The following DHDH variants were observed in gnomAD, a reference collection of about 807,000 sequenced individuals.
DHDH encodes dihydrodiol dehydrogenase, also known as trans-1,2-dihydrobenzene-1,2-diol dehydrogenase.
A neutral mutation model predicts 33.2 loss-of-function variants in DHDH; 29 were observed. That is an observed-to-expected ratio of 0.87 (90% CI 0.65 to 1.19). The LOEUF is 1.19. DHDH is among the 50% of genes most tolerant of loss of function. The pLI is 0.00. For synonymous variants in DHDH, 201 were observed against 187.9 expected, an observed-to-expected ratio of 1.07 and a Z score of -0.57; for missense variants, 431 against 455.0, an observed-to-expected ratio of 0.95 and a Z score of 0.48.
chr19:48,943,740 T>G (rs867063282), intron 5 of DHDH, among the ~76,000 whole-genome samples: 49 of 151,290 alleles, frequency 3.2e-4, no homozygotes, highest in Admixed American at 1.3e-3. Context: ...GCAGGAGAAT[T>G]GCCTGAACCC....
intron 5 of DHDH, among the ~76,000 whole-genome samples, 160 bp downstream of exon 5, chr19:48,942,724 C>T (rs1023544991): frequency 1.3e-5 from 2 of 152,130 alleles, no homozygotes; most frequent in South Asian, 2.1e-4. Context: ...GGCCTCTAGG[C>T]TCTCCTTACT....
At position 48,944,836 on chromosome 19, in the gene DHDH, G is replaced by A; in HGVS notation, c.908G>A (p.Ser303Asn). The change falls in exon 7 of 7, where the codon AGT becomes AAT. Residue 303 changes from serine (S) to asparagine (N), a missense_variant. Ser to Asn is a conservative substitution (Grantham distance 46, BLOSUM62 1). Transcript: ENST00000221403. ...ACTCTCCCCACAGGTATGAAGGAAA[G>A]TCCTGTGATTCCCCTGTCGGAAAGT... ...WECLRKGMKE[S>N]PVIPLSESEL... The A allele has an allele frequency of 6.2e-7, 1 of 1,613,540 alleles. No individual in the cohort carries two copies. The highest frequency in any genetic ancestry group is 8.5e-7 in the Non-Finnish European group (1 of 1,179,996).
chr19:48,941,978 TG>T (rs967512746), intron 4 of DHDH, among the ~76,000 whole-genome samples: 14 of 142,666 alleles, frequency 9.8e-5, no homozygotes, highest in African/African-American at 3.4e-4. Context: ...CAGCCAAGAC[TG>T]TACTTCGTGT....
chr19:48,944,839 C>T lies in DHDH; in HGVS notation c.911C>T (p.Pro304Leu), dbSNP rs2037919130. 1 of 1,613,550 alleles carries T rather than the reference C, an allele frequency of 6.2e-7. No individual in the cohort carries two copies. The highest frequency in any genetic ancestry group is 8.5e-7 in the Non-Finnish European group (1 of 1,180,034). ...CTCCCCACAGGTATGAAGGAAAGTC[C>T]TGTGATTCCCCTGTCGGAAAGTGAG... Reference protein sequence around the residue: ...ECLRKGMKESPVIPLSESELL... With the variant: ...ECLRKGMKESLVIPLSESELL... The change falls in exon 7 of 7, where the codon CCT becomes CTT. Residue 304 changes from proline to leucine, a missense_variant. By Grantham distance (98) the Pro-to-Leu change is moderately conservative. Transcript: ENST00000221403.
chr19:48,933,579 G>C (rs893378590), upstream of DHDH: 6 of 719,058 alleles, frequency 8.3e-6, no homozygotes, highest in African/African-American at 1.1e-4. Flanking sequence ...CTAAATGACC[G>C]CTCTGCCGAC....
At chr19:48,934,709 A>G (rs1264035368) in intron 1 of DHDH, among the ~76,000 whole-genome samples, 4 of 142,918 alleles carry the variant, frequency 2.8e-5, no homozygotes, top group Admixed American at 6.8e-5. Context: ...TTCTACATAG[A>G]CACAGTAACA....
At position 48,942,454 on chromosome 19, in the gene DHDH, G is replaced by A. The variant is rs752529663; in HGVS notation, c.634G>A (p.Val212Ile). 36 of 1,609,670 alleles carry A rather than the reference G, an allele frequency of 2.2e-5. 2 individuals carry two copies. In the South Asian group the frequency reaches 3.9e-4, roughly 17 times the overall value. Reference sequence around the variant, plus strand: ...CTTCCCTCCAGGTGTGGATGACACTGTCACGGTGCTCCTGCAGTACCCAGG... The same window carrying A: ...CTTCCCTCCAGGTGTGGATGACACTATCACGGTGCTCCTGCAGTACCCAGG... ...RRHETGVDDTVTVLLQYPGEV... is the reference protein window; with the variant it reads ...RRHETGVDDTITVLLQYPGEV... The change falls in exon 5 of 7, where the codon GTC becomes ATC. Residue 212 changes from valine (V) to isoleucine (I), a missense_variant. By Grantham distance (29) the Val-to-Ile change is conservative (BLOSUM62 3). Coordinates refer to ENST00000221403, the MANE Select transcript of DHDH (RefSeq NM_014475.4).
intron 4 of DHDH, among the ~76,000 whole-genome samples, chr19:48,940,244 A>G (rs1014611375): frequency 4.6e-5 from 7 of 151,884 alleles, no homozygotes; most frequent in African/African-American, 1.5e-4. Flanking sequence ...AATCCCAGCT[A>G]TCTGGGAGGC....
rs1483121080 is a variant in DHDH at position 48,944,836 on chromosome 19, G to C, written c.908G>C (p.Ser303Thr). The C allele has an allele frequency of 6.2e-7, 1 of 1,613,422 alleles. No individual in the cohort carries two copies. Among genetic ancestry groups the C allele is most frequent in the African/African-American group, 1.3e-5 (1 of 74,910 alleles). Residue 303 changes from serine (S) to threonine (T), a missense_variant, in exon 7 of 7, where the codon AGT (serine) becomes ACT (threonine). Ser to Thr is a moderately conservative substitution (Grantham distance 58). Transcript: ENST00000221403. ...ACTCTCCCCACAGGTATGAAGGAAAGTCCTGTGATTCCCCTGTCGGAAAGT... is the reference window on the plus strand; with the variant it reads ...ACTCTCCCCACAGGTATGAAGGAAACTCCTGTGATTCCCCTGTCGGAAAGT... ...WECLRKGMKE[S>T]PVIPLSESEL...
At chr19:48,940,066 C>T (rs755651610) in intron 4 of DHDH, among the ~76,000 whole-genome samples, 5 of 151,908 alleles carry the variant, frequency 3.3e-5, no homozygotes, top group Non-Finnish European at 7.4e-5. Flanking sequence ...AAAAGACTAC[C>T]CCACTTGGCC....
chr19:48,937,811 T>TAAAAA (rs539240060), intron 3 of DHDH, among the ~76,000 whole-genome samples: 3 of 127,210 alleles, frequency 2.4e-5, no homozygotes, highest in Non-Finnish European at 5.1e-5. Context: ...AGACTGTCTT[T>TAAAAA]AAAAAAAAAA....
Position 48,944,464 on chromosome 19 carries a change from C to T in DHDH, c.852C>T (p.Gly284=). Residue 284 remains glycine (G), a synonymous_variant, in exon 6 of 7, where the codon GGC becomes GGT. Coordinates refer to ENST00000221403, the MANE Select transcript of DHDH (RefSeq NM_014475.4). ...PKDCNFDNGA[G]MSYEAKHVWE... Reference sequence around the variant, plus strand: ...ACTGCAATTTTGACAACGGGGCAGGCATGAGTTATGAGGCCAAGCACGTCT... The same window carrying T: ...ACTGCAATTTTGACAACGGGGCAGGTATGAGTTATGAGGCCAAGCACGTCT... The T allele has an allele frequency of 1.2e-6, 2 of 1,613,198 alleles. No homozygotes were observed. The highest frequency in any genetic ancestry group is 1.3e-5 in the African/African-American group (1 of 75,060).
At chr19:48,941,706 A>C (rs2037863887) in intron 4 of DHDH, among the ~76,000 whole-genome samples, 1 of 138,020 alleles carries the variant, frequency 7.2e-6, no homozygotes, top group Non-Finnish European at 1.5e-5. Context: ...ACGGGGTCTC[A>C]CTCTGTCACT....
chr19:48,937,860 C>T (rs918895825), intron 3 of DHDH, among the ~76,000 whole-genome samples: 19 of 151,342 alleles, frequency 1.3e-4, no homozygotes, highest in African/African-American at 3.4e-4. Flanking sequence ...AGCCTTGGGA[C>T]CTTTGCCCAT....
At chr19:48,934,930 C>CT in intron 1 of DHDH, 70 bp from the exon 2 acceptor site, 1 of 1,298,472 alleles carries the variant, frequency 7.7e-7, no homozygotes, top group Non-Finnish European at 1.0e-6. Context: ...GAGCCTCCTC[C>CT]TTTGCCTCCC....
In DHDH at chr19:48,942,498, C is replaced by T. The variant is rs2037878639; in HGVS notation, c.678C>T (p.Phe226=). Residue 226 remains phenylalanine, a synonymous_variant, in exon 5 of 7, where the codon TTC becomes TTT. Transcript: ENST00000221403. The part of the protein sequence containing the change: ...LQYPGEVHGS[F]TCSITVQLSN... ...ACCCAGGGGAGGTCCATGGCAGCTT[C>T]ACCTGCAGCATCACCGTGCAGCTCT... 1.2e-6 allele frequency: 2 copies of T among 1,613,736 alleles called. No homozygotes were observed. The highest frequency in any genetic ancestry group is 1.7e-6 in the Non-Finnish European group (2 of 1,179,938).
chr19:48,939,264 A>T (rs1463977300), intron 3 of DHDH, among the ~76,000 whole-genome samples, 185 bp from the exon 4 acceptor site: 1 of 151,252 alleles, frequency 6.6e-6, no homozygotes, highest in Admixed American at 6.6e-5. Flanking sequence ...ACATAGTGAG[A>T]CCCTATCTCT....
chr19:48,942,705 T>A lies in DHDH; in HGVS notation c.744+141T>A, dbSNP rs573500766. The A allele has an allele frequency of 3.0e-4, 419 of 1,386,008 alleles. No individual in the cohort carries two copies. In the African/African-American group the frequency reaches 5.4e-3, roughly 18 times the overall value. 85.9% of individuals were successfully genotyped at this position (1,386,008 alleles called of 1,614,324 possible). On this transcript the variant is annotated intron_variant, in intron 5 of 6. Coordinates refer to ENST00000221403, the MANE Select transcript of DHDH (RefSeq NM_014475.4). The stretch of plus-strand genomic sequence containing the variant: ...GTTCCTCCTTAACCAAGCCAAGAGG[T>A]GGGTTCTGGGCCTCTAGGCTCTCCT...
At chr19:48,938,045 T>C (rs1395825259) in intron 3 of DHDH, among the ~76,000 whole-genome samples, 2 of 152,126 alleles carry the variant, frequency 1.3e-5, no homozygotes, top group Non-Finnish European at 2.9e-5. Flanking sequence ...TGGTTGCCTG[T>C]TCTCTGTCTC....
Sources: gnomAD v4.1 joint callset for allele counts (sites outside exome capture counted in the v4.1 genomes callset) on GRCh38, gnomAD v4.1.1 for gene constraint, MANE v1.5 for transcripts, NCBI Gene and HGNC (gene_info 2026-07-23, HGNC 2026-07-21) for gene names.